FAAH: variants seen among roughly 807,000 people sequenced by gnomAD.
FAAH encodes fatty-acid amide hydrolase 1.
In FAAH, 63 loss-of-function variants were observed where a neutral mutation model predicts 69.7. That is an observed-to-expected ratio of 0.90 (90% CI 0.74 to 1.12). The LOEUF (loss-of-function observed/expected upper bound fraction) is 1.12. Among genes scored for constraint, FAAH ranks in the 50% most tolerant of loss-of-function variants. The probability of loss-of-function intolerance (pLI) is 0.00; values close to 1 mark genes in which losing one functional copy is unlikely to be tolerated. For synonymous variants in FAAH, 305 were observed against 324.2 expected (o/e 0.94, Z 0.64); for missense variants, 680 against 755.0 (o/e 0.90, Z 1.16).
intron 1 of FAAH, among the ~76,000 whole-genome samples, chr1:46,401,809 G>A (rs2148446779): frequency 6.6e-6 from 1 of 152,320 alleles, no homozygotes; most frequent in South Asian, 2.1e-4. Flanking sequence ...TACTCGGGAG[G>A]CTGAAGTGGG....
rs1334669812 is a variant in FAAH, at chr1:46,412,177, C to T, written c.1391C>T (p.Ala464Val). Residue 464 changes from alanine (A) to valine (V), a missense_variant, in exon 13 of 15, where the codon GCG becomes GTG. Physicochemically the swap from Ala to Val is moderately conservative, Grantham distance 64. Coordinates refer to ENST00000243167, the MANE Select transcript of FAAH (RefSeq NM_001441.3). ...YRKTVIAQWR[A>V]LDLDVVLTPM... ...AAAACCGTGATTGCCCAGTGGAGGG[C>T]GCTGGACCTGGATGTGGTGCTGACC... is the stretch of plus-strand genomic sequence containing the variant. 5.8e-6 allele frequency: 9 copies of T among 1,563,530 alleles called. No homozygotes were observed. The highest frequency in any genetic ancestry group is 4.3e-6 in the Non-Finnish European group (5 of 1,153,868).
intron 1 of FAAH, among the ~76,000 whole-genome samples, chr1:46,401,290 A>G (rs1569810244): frequency 6.6e-6 from 1 of 152,120 alleles, no homozygotes; most frequent in African/African-American, 2.4e-5. Flanking sequence ...CACATCTGGC[A>G]TCTTCTTATC....
intron 2 of FAAH, among the ~76,000 whole-genome samples, 189 bp downstream of exon 2, chr1:46,402,393 G>A (rs1042823583): frequency 2.6e-5 from 4 of 152,248 alleles, no homozygotes; most frequent in Admixed American, 1.3e-4. Flanking sequence ...GAGCGTGTGC[G>A]TGTGTGTATG....
In FAAH at chr1:46,413,782, C is replaced by T. The variant is rs1273500293; in HGVS notation, c.*207C>T. 1.5e-6 allele frequency: 1 copy of T among 663,062 alleles called. No homozygotes were observed. Among genetic ancestry groups the T allele is most frequent in the Non-Finnish European group, 2.6e-6 (1 of 388,568 alleles). The allele number at this position is 663,062 out of a possible 1,614,324, so 41.1% of individuals were successfully genotyped here. On this transcript the variant is annotated 3_prime_UTR_variant, in exon 15 of 15. Transcript: ENST00000243167. ...GTCCCCTCTCTTCGTCCTGATCCCT[C>T]CACCCCCATGTGGCAGCCCATGGGT... is the stretch of plus-strand genomic sequence containing the variant.
chr1:46,412,946 T>C, intron 13 of FAAH, 129 bp from the exon 14 acceptor site: 1 of 1,153,720 alleles, frequency 8.7e-7, no homozygotes, highest in Non-Finnish European at 1.3e-6. Context: ...CACTCAGACC[T>C]CAGTCCTGGG....
At chr1:46,400,708 C>T (rs1251501018) in intron 1 of FAAH, among the ~76,000 whole-genome samples, 2 of 143,700 alleles carry the variant, frequency 1.4e-5, no homozygotes, top group African/African-American at 2.6e-5. Flanking sequence ...GCCCAGTGAG[C>T]TGGTTTGGGC....
intron 1 of FAAH, among the ~76,000 whole-genome samples, chr1:46,396,904 A>G (rs760634378): frequency 6.6e-6 from 1 of 152,206 alleles, no homozygotes; most frequent in African/African-American, 2.4e-5. Context: ...CCCTGGGGCC[A>G]AGATATCTCA....
chr1:46,413,715 G>T lies in FAAH; in HGVS notation c.*140G>T, dbSNP rs1163096149. The T allele has an allele frequency of 2.4e-6, 3 of 1,255,718 alleles. No homozygotes were observed. Among genetic ancestry groups the T allele is most frequent in the Non-Finnish European group, 3.4e-6 (3 of 889,384 alleles). 77.8% of individuals were successfully genotyped at this position (1,255,718 alleles called of 1,614,324 possible). On this transcript the variant is annotated 3_prime_UTR_variant, in exon 15 of 15. Transcript: ENST00000243167. ...TGTCCTCTCCCCCAACCCCCTGCAA[G>T]AAGCGCCGACTCCCTGAGTCTGGAC...
At position 46,410,715 on chromosome 1, in the gene FAAH, A is replaced by G; in HGVS notation, c.1276-99A>G. 1 of 1,452,004 alleles carries G rather than the reference A, an allele frequency of 6.9e-7. No individual in the cohort carries two copies. Among genetic ancestry groups the G allele is most frequent in the Non-Finnish European group, 9.7e-7 (1 of 1,032,818 alleles). 89.9% of individuals were successfully genotyped at this position (1,452,004 alleles called of 1,614,324 possible). On this transcript the variant is annotated intron_variant, in intron 10 of 14. Transcript: ENST00000243167. This position sits in a 1 kb window ranked among gnomAD's most constrained non-coding sequence, Gnocchi z 4.9. ...GGGTGCCGACCTGGGCCCTGGGGGG[A>G]GGCATGGAGGGAGGGGTCCCCAGTG...
intron 1 of FAAH, among the ~76,000 whole-genome samples, chr1:46,401,422 G>A (rs1048084920): frequency 7.9e-5 from 12 of 152,068 alleles, no homozygotes; most frequent in African/African-American, 2.9e-4. Context: ...CACCAATTCC[G>A]GACACAGAAT....
At chr1:46,398,814 T>C (rs1664646472) in intron 1 of FAAH, among the ~76,000 whole-genome samples, 1 of 152,138 alleles carries the variant, frequency 6.6e-6, no homozygotes, top group African/African-American at 2.4e-5. Flanking sequence ...GGATTACAGG[T>C]GTGAGCCACC....
rs1310445772 is a variant in FAAH, at chr1:46,404,913, G to C, written c.310-101G>C. The C allele has an allele frequency of 6.5e-7, 1 of 1,527,070 alleles. No individual in the cohort carries two copies. Among genetic ancestry groups the C allele is most frequent in the African/African-American group, 1.4e-5 (1 of 73,230 alleles). The allele number at this position is 1,527,070 out of a possible 1,614,324, so 94.6% of individuals were successfully genotyped here. ...CATGTTGCTGGTTACCCCTCTCCCT[G>C]GGTATACTTTAAAAGGCCAGTTCTA... On this transcript the variant is annotated intron_variant, in intron 2 of 14. Coordinates refer to ENST00000243167, the MANE Select transcript of FAAH (RefSeq NM_001441.3). The surrounding 1 kb of genome is among the most constrained non-coding windows in gnomAD (Gnocchi z 4.5).
In FAAH at chr1:46,405,531, G is replaced by GGGGCA; in HGVS notation, c.578+30_578+34dup. The stretch of plus-strand genomic sequence containing the variant: ...GTTGGGTCTTGGGGTGGGGCGGGGC[G>GGGGCA]GGGCAGGGGCACCGGTCCCAGCATG... On this transcript the variant is annotated intron_variant, in intron 4 of 14. Coordinates refer to ENST00000243167, the MANE Select transcript of FAAH (RefSeq NM_001441.3). This position sits in a 1 kb window ranked among gnomAD's most constrained non-coding sequence, Gnocchi z 4.1. The GGGGCA allele has an allele frequency of 6.2e-7, 1 of 1,612,282 alleles. No individual in the cohort carries two copies. Among genetic ancestry groups the GGGGCA allele is most frequent in the South Asian group, 1.1e-5 (1 of 91,062 alleles).
In FAAH at chr1:46,394,733, G is replaced by C. The variant is rs1009974903; in HGVS notation, c.195+190G>C. On this transcript the variant is annotated intron_variant, in intron 1 of 14. Coordinates refer to ENST00000243167, the MANE Select transcript of FAAH (RefSeq NM_001441.3). Reference sequence around the variant, plus strand: ...TAGAGCACGGGGGAAGAAAGGAAACGGTAGTGTCAAGGCAGGTGGTGGAAG... The same window carrying C: ...TAGAGCACGGGGGAAGAAAGGAAACCGTAGTGTCAAGGCAGGTGGTGGAAG... 6.2e-4 allele frequency among the ~76,000 whole-genome samples: 94 copies of C among 152,224 alleles called. 1 individual carries two copies. The highest frequency in any genetic ancestry group is 2.2e-3 in the African/African-American group (93 of 41,460).
At position 46,410,794 on chromosome 1, in the gene FAAH, C is replaced by A. The variant is rs944632896; in HGVS notation, c.1276-20C>A. The A allele has an allele frequency of 6.2e-7, 1 of 1,614,154 alleles. No homozygotes were observed. The highest frequency in any genetic ancestry group is 1.7e-5 in the Admixed American group (1 of 60,030). On this transcript the variant is annotated intron_variant, in intron 10 of 14. Transcript: ENST00000243167. The surrounding 1 kb of genome is among the most constrained non-coding windows in gnomAD (Gnocchi z 4.9). ...CGTGGCCCAGAGCTGAGTCACCGAC[C>A]CTGCGTCTGTCCTGTGCAGCTGCCA... is the stretch of plus-strand genomic sequence containing the variant.
intron 1 of FAAH, 34 bp from the exon 2 acceptor site, chr1:46,402,057 G>C: frequency 1.3e-6 from 2 of 1,552,090 alleles, no homozygotes; most frequent in Non-Finnish European, 1.8e-6. Flanking sequence ...AGACTTCGGC[G>C]AGTAGGGGAC....
chr1:46,408,726 T>C, intron 8 of FAAH, 142 bp downstream of exon 8: 1 of 1,273,764 alleles, frequency 7.9e-7, no homozygotes, highest in Non-Finnish European at 1.1e-6. Flanking sequence ...GTGGGACAAG[T>C]ATATAGAGGG....
chr1:46,409,103 G>A lies in FAAH; in HGVS notation c.1080G>A (p.Leu360=), dbSNP rs1312485398. The A allele has an allele frequency of 1.2e-6, 2 of 1,613,796 alleles. No homozygotes were observed. Among genetic ancestry groups the A allele is most frequent in the East Asian group, 4.5e-5 (2 of 44,860 alleles). The stretch of plus-strand genomic sequence containing the variant: ...CTTACACCCCTCAATCCCTGCAGCT[G>A]GTTCCCTTCTTGCCAAGCAACATAC... ...KQSLEAAGHT[L]VPFLPSNIPH... The change falls in exon 9 of 15, where the codon CTG becomes CTA. Residue 360 remains leucine (L), a splice_region_variant and synonymous_variant. Transcript: ENST00000243167.
chr1:46,408,647 C>T, intron 8 of FAAH, 63 bp downstream of exon 8: 1 of 1,610,436 alleles, frequency 6.2e-7, no homozygotes, highest in Non-Finnish European at 8.5e-7. Context: ...CTTCCTGGTA[C>T]CCATGGCTAC....
Sources: allele counts gnomAD v4.1 joint callset (sites outside exome capture counted in the v4.1 genomes callset), GRCh38; gene constraint gnomAD v4.1.1; non-coding constraint Gnocchi (gnomAD v3.1); transcripts MANE v1.5; gene names NCBI Gene and HGNC (gene_info 2026-07-23, HGNC 2026-07-21).